Variants in AFG2A observed in about 807,000 individuals in gnomAD.
AFG2A encodes AAA ATPase AFG2A.
At chr4:123,275,864 T>TA in the AFG2A span, among the ~76,000 whole-genome samples, 4 of 152,354 alleles carry the variant, frequency 2.6e-5, no homozygotes, top group South Asian at 8.3e-4. Flanking sequence ...GGTATATATG[T>TA]ACCATAATTT....
chr4:123,093,101 C>A, the AFG2A span, among the ~76,000 whole-genome samples: 1 of 152,116 alleles, frequency 6.6e-6, no homozygotes, highest in African/African-American at 2.4e-5. Context: ...TGATACAGGA[C>A]AGGCCAGCCC....
At chr4:123,151,558 G>A in the AFG2A span, among the ~76,000 whole-genome samples, 2 of 152,154 alleles carry the variant, frequency 1.3e-5, no homozygotes, top group Non-Finnish European at 2.9e-5. Context: ...TTAGAGAAAT[G>A]CAAATCAAAA....
the AFG2A span, among the ~76,000 whole-genome samples, chr4:123,167,891 T>C: frequency 2.6e-5 from 4 of 152,178 alleles, no homozygotes; most frequent in African/African-American, 9.7e-5. Flanking sequence ...TGTTAGGTCA[T>C]CATCAAAACA....
At chr4:123,190,603 T>C in the AFG2A span, among the ~76,000 whole-genome samples, 2 of 152,170 alleles carry the variant, frequency 1.3e-5, no homozygotes, top group African/African-American at 4.8e-5. Flanking sequence ...CTTCCTCTAA[T>C]AGATTAATGG....
the AFG2A span, among the ~76,000 whole-genome samples, chr4:123,179,351 G>C: frequency 6.6e-6 from 1 of 150,478 alleles, no homozygotes; most frequent in African/African-American, 2.5e-5. Context: ...ATATATGTCT[G>C]TAAGTACGTG....
chr4:123,112,957 C>T, the AFG2A span, among the ~76,000 whole-genome samples: 1 of 152,042 alleles, frequency 6.6e-6, no homozygotes, highest in Non-Finnish European at 1.5e-5. Context: ...GTAGTTAAAT[C>T]TGGTTTATAA....
At chr4:122,943,525 G>A in the AFG2A span, among the ~76,000 whole-genome samples, 1 of 152,092 alleles carries the variant, frequency 6.6e-6, no homozygotes, top group African/African-American at 2.4e-5. Flanking sequence ...GAGCCTATGT[G>A]TGTCTCTGCA....
chr4:122,984,560 C>A, the AFG2A span, among the ~76,000 whole-genome samples: 1 of 152,122 alleles, frequency 6.6e-6, no homozygotes, highest in Non-Finnish European at 1.5e-5. Context: ...AACTTTTCCC[C>A]CATTCAGTAT....
the AFG2A span, among the ~76,000 whole-genome samples, chr4:123,057,918 T>C: frequency 2.0e-5 from 3 of 152,192 alleles, no homozygotes; most frequent in Admixed American, 1.3e-4. Flanking sequence ...TGTTGGGTAA[T>C]GTAAATTCAT....
chr4:123,136,272 G>A, the AFG2A span, among the ~76,000 whole-genome samples: 283 of 151,926 alleles, frequency 1.9e-3, no homozygotes, highest in Non-Finnish European at 3.0e-3. Context: ...GGTGGCTTAC[G>A]CCTATAATCC....
chr4:123,214,466 C>T, the AFG2A span, among the ~76,000 whole-genome samples: 1 of 151,858 alleles, frequency 6.6e-6, no homozygotes, highest in Admixed American at 6.6e-5. Context: ...ACCCTTTGAA[C>T]ACCACAGGTT....
the AFG2A span, among the ~76,000 whole-genome samples, chr4:122,951,881 C>T: frequency 2.0e-5 from 3 of 152,178 alleles, no homozygotes; most frequent in African/African-American, 4.8e-5. Context: ...TGTGGAGGCT[C>T]AGCAGCCTCC....
chr4:123,263,715 T>A, the AFG2A span, among the ~76,000 whole-genome samples: 1 of 152,116 alleles, frequency 6.6e-6, no homozygotes, highest in Non-Finnish European at 1.5e-5. Flanking sequence ...AAATAATAGA[T>A]GTTGGCGTGG....
At chr4:122,973,679 C>A in the AFG2A span, among the ~76,000 whole-genome samples, 1 of 152,138 alleles carries the variant, frequency 6.6e-6, no homozygotes, top group Non-Finnish European at 1.5e-5. Flanking sequence ...ATTACAGAAT[C>A]AGTCTTTGTA....
chr4:123,221,267 C>T, the AFG2A span, among the ~76,000 whole-genome samples: 7 of 152,172 alleles, frequency 4.6e-5, no homozygotes, highest in Non-Finnish European at 7.4e-5. Context: ...GCAATCCTCC[C>T]ACCTAAGCCT....
the AFG2A span, among the ~76,000 whole-genome samples, chr4:123,162,887 A>G: frequency 6.6e-6 from 1 of 152,232 alleles, no homozygotes; most frequent in Non-Finnish European, 1.5e-5. Flanking sequence ...GGGTTATTAT[A>G]CAGATTAATA....
the AFG2A span, chr4:123,028,131 T>TA: frequency 3.5e-6 from 5 of 1,410,592 alleles, no homozygotes; most frequent in Non-Finnish European, 4.9e-6. Context: ...TATTTTTTTT[T>TA]AGTTCTCTGT....
At chr4:123,093,557 T>A in the AFG2A span, among the ~76,000 whole-genome samples, 3 of 152,192 alleles carry the variant, frequency 2.0e-5, no homozygotes, top group Admixed American at 1.3e-4. Context: ...GATCCTGTTT[T>A]GTTCAGCAGA....
the AFG2A span, among the ~76,000 whole-genome samples, chr4:123,246,986 T>A: frequency 9.2e-5 from 14 of 152,300 alleles, no homozygotes; most frequent in South Asian, 2.9e-3. Context: ...TTAAATCAAT[T>A]AATTTTGACT....
Sources: gnomAD v4.1 joint callset for allele counts (sites outside exome capture counted in the v4.1 genomes callset) on GRCh38, gnomAD v4.1.1 for gene constraint, MANE v1.5 for transcripts, NCBI Gene and HGNC (gene_info 2026-07-23, HGNC 2026-07-21) for gene names.